Variants in PLXNA4 observed in about 807,000 individuals in gnomAD.
PLXNA4 encodes plexin A4.
In PLXNA4, 44 loss-of-function variants were observed where a neutral mutation model predicts 191.8. The observed-to-expected ratio is 0.23, with a 90% CI of 0.18 to 0.29. The LOEUF is 0.29. Ranked by LOEUF, PLXNA4 falls within the 10% of genes least tolerant of loss-of-function variation. The pLI is 1.00. For missense variants in PLXNA4, 1,800 were observed against 2,488.8 expected (o/e 0.72, Z 5.89); for synonymous variants, 1,082 against 1,009.5 (o/e 1.07, Z -1.36).
chr7:132,225,689 G>A (rs1798298374), intron 8 of PLXNA4, among the ~76,000 whole-genome samples: 1 of 152,148 alleles, frequency 6.6e-6, no homozygotes, highest in South Asian at 2.1e-4. Flanking sequence ...CAGCCTGTGG[G>A]GAGCTGAGCA....
rs565034645 is a variant in PLXNA4 at position 132,220,563 on chromosome 7, G to T, written c.2097+2964C>A. ...CTCATGGGAAATGGAGAGGATTTCAGTATGGCAGCAAGAGCTTAGTACATA... is the reference window on the plus strand; with the variant it reads ...CTCATGGGAAATGGAGAGGATTTCATTATGGCAGCAAGAGCTTAGTACATA... On this transcript the variant is annotated intron_variant, in intron 9 of 31. Coordinates refer to ENST00000321063, the MANE Select transcript of PLXNA4 (RefSeq NM_020911.2). Among the ~76,000 whole-genome samples the T allele has an allele frequency of 2.0e-5, 3 of 152,268 alleles. No homozygotes were observed. The South Asian group carries it at 6.2e-4, about 32-fold the overall frequency.
intron 2 of PLXNA4, among the ~76,000 whole-genome samples, chr7:132,596,860 G>T (rs1802718867): frequency 3.0e-5 from 1 of 33,510 alleles, no homozygotes; most frequent in African/African-American, 9.3e-5. Flanking sequence ...AAATGCCATG[G>T]TCCTGAAAAA....
intron 10 of PLXNA4, among the ~76,000 whole-genome samples, chr7:132,207,151 C>G (rs1387328216): frequency 6.6e-6 from 1 of 152,060 alleles, no homozygotes; most frequent in African/African-American, 2.4e-5. Flanking sequence ...ACACAAGAAG[C>G]TGGTATGTAC....
rs557249665 is a variant in PLXNA4 at position 132,647,902 on chromosome 7, C to G, written c.-203+612G>C. 1.8e-4 allele frequency among the ~76,000 whole-genome samples: 28 copies of G among 151,910 alleles called. No individual in the cohort carries two copies. The South Asian group carries it at 5.8e-3, about 32-fold the overall frequency. ...ATCCACATTCTTCCATATATACTCA[C>G]GAACACACACTGTCATACACTCACA... On this transcript the variant is annotated intron_variant, in intron 1 of 4. Coordinates refer to the PLXNA4 transcript ENST00000378539.
chr7:132,380,042 A>G (rs765093893), intron 3 of PLXNA4, among the ~76,000 whole-genome samples: 31 of 152,102 alleles, frequency 2.0e-4, no homozygotes, highest in Non-Finnish European at 4.4e-4. Context: ...AGGGCTCACC[A>G]CATTTTATAT....
At chr7:132,510,337 G>A (rs1798661461) in intron 1 of PLXNA4, among the ~76,000 whole-genome samples, 1 of 152,236 alleles carries the variant, frequency 6.6e-6, no homozygotes, top group Non-Finnish European at 1.5e-5. Flanking sequence ...ACTTTGCATT[G>A]TCAGCCAGCA....
At chr7:132,254,833 G>A (rs73157226) in intron 4 of PLXNA4, among the ~76,000 whole-genome samples, 4,044 of 152,240 alleles carry the variant, frequency 0.027, 63 homozygotes, top group Middle Eastern at 0.048. Context: ...ATCTATATCC[G>A]ACTAAGGCTC....
At chr7:132,562,835 C>T (rs1284319492) in intron 1 of PLXNA4, among the ~76,000 whole-genome samples, 2 of 117,462 alleles carry the variant, frequency 1.7e-5, no homozygotes, top group East Asian at 2.7e-4. Context: ...CCTTCTCCTC[C>T]TCCTTCTCTT....
intron 3 of PLXNA4, among the ~76,000 whole-genome samples, chr7:132,394,469 C>G (rs908833147): frequency 3.3e-5 from 5 of 152,212 alleles, no homozygotes; most frequent in Non-Finnish European, 5.9e-5. Context: ...AGTCACTTCA[C>G]CTCTCTGACC....
intron 3 of PLXNA4, among the ~76,000 whole-genome samples, chr7:132,364,426 A>T (rs1804072481): frequency 6.6e-6 from 1 of 152,184 alleles, no homozygotes; most frequent in Non-Finnish European, 1.5e-5. Flanking sequence ...TCCTCTCTGC[A>T]CTGGGGCAGT....
intron 14 of PLXNA4, among the ~76,000 whole-genome samples, chr7:132,192,266 A>G (rs1370315175): frequency 6.6e-6 from 1 of 152,168 alleles, no homozygotes; most frequent in Non-Finnish European, 1.5e-5. Flanking sequence ...GTTGGGTCTT[A>G]TTCATCATCC....
At chr7:132,641,635 T>C (rs1367543424) in intron 2 of PLXNA4, among the ~76,000 whole-genome samples, 3 of 152,208 alleles carry the variant, frequency 2.0e-5, no homozygotes, top group Admixed American at 2.0e-4. Flanking sequence ...ATCTTATCTT[T>C]CGAATAATAA....
At chr7:132,614,482 ATT>A (rs1803113135) in intron 2 of PLXNA4, among the ~76,000 whole-genome samples, 1 of 152,200 alleles carries the variant, frequency 6.6e-6, no homozygotes, top group Non-Finnish European at 1.5e-5. Flanking sequence ...CGTATTTAAT[ATT>A]GTTTTCAGCA....
At chr7:132,323,061 T>C (rs1007758749) in intron 3 of PLXNA4, among the ~76,000 whole-genome samples, 2 of 152,162 alleles carry the variant, frequency 1.3e-5, no homozygotes, top group African/African-American at 2.4e-5. Flanking sequence ...GGTGACATAA[T>C]GGAAATTCAC....
rs77769064 is a variant in PLXNA4 at position 132,338,457 on chromosome 7, A to G, written c.1372-40235T>C. Among the ~76,000 whole-genome samples, 204 of 152,364 alleles carry G rather than the reference A, an allele frequency of 1.3e-3. 2 individuals are homozygous for G. The highest frequency in any genetic ancestry group is 4.8e-3 in the African/African-American group (199 of 41,582). On this transcript the variant is annotated intron_variant, in intron 3 of 31. Transcript: ENST00000321063. ...CCTCTGACGTTGTCAAAGCCAGCCA[A>G]CTATTAAGTCTAGATGTAATATGAT... is the stretch of plus-strand genomic sequence containing the variant.
chr7:132,588,674 G>GGGAA (rs1554474897), intron 2 of PLXNA4, among the ~76,000 whole-genome samples: 1 of 120,276 alleles, frequency 8.3e-6, no homozygotes, highest in Non-Finnish European at 1.7e-5. Flanking sequence ...GGGAAGGGAA[G>GGGAA]GGAAGGGAGG....
rs1252187866 is a variant in PLXNA4, at chr7:132,609,937, G to A, written c.-87+35991C>T. ...ATGCCCATTTTTTCCCATTTCTCCAGACTCTAACAGATGGGTGCTAATTTG... is the reference window on the plus strand; with the variant it reads ...ATGCCCATTTTTTCCCATTTCTCCAAACTCTAACAGATGGGTGCTAATTTG... On this transcript the variant is annotated intron_variant, in intron 2 of 4. Coordinates refer to the PLXNA4 transcript ENST00000378539. Among the ~76,000 whole-genome samples, 3 of 152,192 alleles carry A rather than the reference G, an allele frequency of 2.0e-5. No individual in the cohort carries two copies. In the East Asian group the frequency reaches 5.8e-4, roughly 29 times the overall value.
At chr7:132,618,219 C>A (rs909880841) in intron 2 of PLXNA4, among the ~76,000 whole-genome samples, 1 of 152,240 alleles carries the variant, frequency 6.6e-6, no homozygotes, top group Non-Finnish European at 1.5e-5. Flanking sequence ...CACCTAGCAG[C>A]CTCTGGCTTC....
intron 4 of PLXNA4, among the ~76,000 whole-genome samples, chr7:132,291,893 G>C (rs12668257): frequency 0.3 from 45,767 of 152,088 alleles, 7,062 homozygotes; most frequent in Admixed American, 0.42. Flanking sequence ...CTCCCAGGTT[G>C]AAGCGATTCT....
Sources: gnomAD v4.1 joint callset for allele counts (sites outside exome capture counted in the v4.1 genomes callset) on GRCh38, gnomAD v4.1.1 for gene constraint, MANE v1.5 for transcripts, NCBI Gene and HGNC (gene_info 2026-07-23, HGNC 2026-07-21) for gene names.